Variants in POLR2F observed in about 807,000 individuals in gnomAD.
POLR2F encodes RNA polymerase II, I and III subunit F.
POLR2F carries 12 observed loss-of-function variants against 22.7 expected under a neutral mutation model. The observed-to-expected ratio is 0.53, with a 90% CI of 0.34 to 0.86. POLR2F has a LOEUF of 0.86. POLR2F is among the 40% of genes least tolerant of loss of function. The pLI, the probability that POLR2F is intolerant of heterozygous loss-of-function variation, is 0.02. For synonymous variants in POLR2F, 57 were observed against 66.0 expected, an observed-to-expected ratio of 0.86 and a Z score of 0.66; for missense variants, 126 against 171.5, an observed-to-expected ratio of 0.73 and a Z score of 1.48.
intron 1 of POLR2F, among the ~76,000 whole-genome samples, chr22:38,001,403 T>A (rs2084768292): frequency 6.6e-6 from 1 of 152,230 alleles, no homozygotes; most frequent in Admixed American, 6.5e-5. Flanking sequence ...TGCATCATAT[T>A]AGATTCAGAG....
intron 2 of POLR2F, among the ~76,000 whole-genome samples, chr22:37,957,210 G>C (rs1569161372): frequency 6.6e-6 from 1 of 152,212 alleles, no homozygotes. Context: ...AGATGAGGCA[G>C]TATTTTGTAG....
upstream of POLR2F, chr22:37,984,533 A>G (rs1335321466): frequency 6.7e-6 from 1 of 148,324 alleles, no homozygotes; most frequent in African/African-American, 2.5e-5. This position sits in a 1 kb window ranked among gnomAD's most constrained non-coding sequence, Gnocchi z 4.4. Context: ...CTGGCCGGAC[A>G]GCCCGAGACT....
chr22:37,991,569 C>T (rs1307247245), intron 1 of POLR2F, among the ~76,000 whole-genome samples: 1 of 151,784 alleles, frequency 6.6e-6, no homozygotes, highest in Non-Finnish European at 1.5e-5. Flanking sequence ...TTATTTTTAC[C>T]ACCTATTAAC....
chr22:37,962,581 A>G (rs748236237), intron 3 of POLR2F, among the ~76,000 whole-genome samples: 7 of 152,226 alleles, frequency 4.6e-5, no homozygotes, highest in Non-Finnish European at 7.3e-5. Flanking sequence ...TGCACCATCA[A>G]CTATGGTAGC....
chr22:38,012,305 C>T (rs2084878018), intron 1 of POLR2F, among the ~76,000 whole-genome samples: 1 of 152,180 alleles, frequency 6.6e-6, no homozygotes, highest in Non-Finnish European at 1.5e-5. Context: ...TGGTCTCGAA[C>T]TCCTGGCCTC....
chr22:37,975,522 C>T (rs142542611), intron 4 of POLR2F, among the ~76,000 whole-genome samples: 134 of 152,166 alleles, frequency 8.8e-4, no homozygotes, highest in Non-Finnish European at 1.2e-3. Context: ...AGTATGTACA[C>T]GTGTGTGGGA....
rs186831346 is a variant in POLR2F at position 37,976,880 on chromosome 22, G to T, written c.293+9710G>T. Among the ~76,000 whole-genome samples the T allele has an allele frequency of 3.5e-3, 539 of 152,202 alleles. 4 individuals are homozygous for T. The highest frequency in any genetic ancestry group is 0.012 in the African/African-American group (493 of 41,526). ...TCTGGCCCATCCATGGCCAGACACG[G>T]TATCACATGCCATGTCTCCTCTGTC... On this transcript the variant is annotated intron_variant, in intron 4 of 4. Coordinates refer to the POLR2F transcript ENST00000405557.
chr22:38,014,980 G>C (rs1367702137), intron 1 of POLR2F, among the ~76,000 whole-genome samples: 1 of 151,388 alleles, frequency 6.6e-6, no homozygotes, highest in African/African-American at 2.4e-5. Flanking sequence ...GCTAATTTTT[G>C]TATTTTTAAT....
At chr22:37,973,615 A>G, downstream of POLR2F, 4 of 1,613,566 alleles carry the variant, frequency 2.5e-6, no homozygotes, top group Non-Finnish European at 3.4e-6. Flanking sequence ...AGGGCCCCAT[A>G]TAGGAGAAGG....
At chr22:37,983,216 C>A (rs1160886262), upstream of POLR2F, 2 of 1,042,658 alleles carry the variant, frequency 1.9e-6, no homozygotes, top group Non-Finnish European at 2.9e-6. This position sits in a 1 kb window ranked among gnomAD's most constrained non-coding sequence, Gnocchi z 9.5. Flanking sequence ...GGGCGCGGCC[C>A]CCACACCTGG....
At chr22:37,984,865 C>CCTCAG (rs1247879991), upstream of POLR2F, among the ~76,000 whole-genome samples, 2 of 152,252 alleles carry the variant, frequency 1.3e-5, no homozygotes, top group East Asian at 3.9e-4. This position sits in a 1 kb window ranked among gnomAD's most constrained non-coding sequence, Gnocchi z 4.4. Flanking sequence ...GGACTCCTAA[C>CCTCAG]GTCTGCCTCA....
chr22:37,973,880 C>T, downstream of POLR2F: 1 of 1,610,438 alleles, frequency 6.2e-7, no homozygotes, highest in South Asian at 1.1e-5. Flanking sequence ...CAGAGCCACG[C>T]CTGGTGGCTT....
chr22:37,972,564 G>A, downstream of POLR2F: 1 of 237,156 alleles, frequency 4.2e-6, no homozygotes, highest in Non-Finnish European at 8.5e-6. Flanking sequence ...TCAGCCTGCC[G>A]ACAGCAACCT....
At chr22:37,957,044 T>G in intron 2 of POLR2F, 1 of 605,068 alleles carries the variant, frequency 1.7e-6, no homozygotes, top group Non-Finnish European at 3.0e-6. Context: ...GTCCATGTGG[T>G]CCACAGCCTG....
rs576376385 is a variant in POLR2F, at chr22:37,979,446, G to A, written c.293+12276G>A. On this transcript the variant is annotated intron_variant, in intron 4 of 4. Transcript: ENST00000405557. ...GCTTGCGGGGGTGGTTGGACAGGAGGATCTAGGGTTGGACTCTTAACTCTG... is the reference window on the plus strand; with the variant it reads ...GCTTGCGGGGGTGGTTGGACAGGAGAATCTAGGGTTGGACTCTTAACTCTG... 5.6e-4 allele frequency among the ~76,000 whole-genome samples: 85 copies of A among 152,000 alleles called. 1 individual carries two copies. Among genetic ancestry groups the A allele is most frequent in the South Asian group, 4.2e-3 (20 of 4,788 alleles).
At chr22:38,033,233 G>C (rs1458874347) in intron 5 of POLR2F, 1 of 152,054 alleles carries the variant, frequency 6.6e-6, no homozygotes, top group Non-Finnish European at 1.5e-5. Context: ...GCACAGAGCT[G>C]TCCTCCCTAG....
At chr22:37,970,631 GT>G (rs1447718053), downstream of POLR2F, 1 of 142,814 alleles carries the variant, frequency 7.0e-6, no homozygotes, top group Non-Finnish European at 1.5e-5. Flanking sequence ...AAAAAAAAGA[GT>G]GGAGATAATA....
intron 1 of POLR2F, among the ~76,000 whole-genome samples, chr22:37,998,754 G>A (rs530522021): frequency 1.1e-3 from 167 of 152,112 alleles, no homozygotes; most frequent in African/African-American, 3.8e-3. Context: ...TCTGTGTGTG[G>A]GAATTAATAG....
chr22:37,961,409 G>C (rs530361033), intron 3 of POLR2F, among the ~76,000 whole-genome samples: 22 of 152,140 alleles, frequency 1.4e-4, no homozygotes, highest in Admixed American at 3.3e-4. Flanking sequence ...CCAGCAGAGT[G>C]GGGGGCCCTC....
Sources: gnomAD v4.1 joint callset for allele counts (sites outside exome capture counted in the v4.1 genomes callset) on GRCh38, gnomAD v4.1.1 for gene constraint, Gnocchi (gnomAD v3.1) non-coding constraint, MANE v1.5 for transcripts, NCBI Gene and HGNC (gene_info 2026-07-23, HGNC 2026-07-21) for gene names.